Variants in ADAMTSL1 observed in about 807,000 individuals in gnomAD.
ADAMTSL1 encodes ADAMTS-like protein 1.
A neutral mutation model predicts 201.8 loss-of-function variants in ADAMTSL1; 126 were observed. The observed-to-expected ratio is 0.62, with a 90% CI of 0.54 to 0.72. The LOEUF (loss-of-function observed/expected upper bound fraction) is 0.72, where lower values mean the gene tolerates loss of function less well. ADAMTSL1 is among the 30% of genes least tolerant of loss of function. The probability of loss-of-function intolerance (pLI) is 0.00; values close to 1 mark genes in which losing one functional copy is unlikely to be tolerated. For missense variants in ADAMTSL1, 2,679 were observed against 2,277.8 expected, an observed-to-expected ratio of 1.18 and a Z score of -3.59; for synonymous variants, 1,121 against 903.4, an observed-to-expected ratio of 1.24 and a Z score of -4.32.
intron 1 of ADAMTSL1, among the ~76,000 whole-genome samples, chr9:18,054,874 C>T (rs1286625121): frequency 2.0e-5 from 3 of 152,158 alleles, no homozygotes; most frequent in Admixed American, 1.3e-4. Context: ...GTGTGAAGTT[C>T]CCCTGCCCCC....
In ADAMTSL1 at chr9:18,626,839, T is replaced by TTCTTTC. The variant is rs757449217; in HGVS notation, c.601+4471_601+4472insCTTTCT. Among the ~76,000 whole-genome samples the TTCTTTC allele has an allele frequency of 2.8e-3, 370 of 133,360 alleles. 4 individuals are homozygous for TTCTTTC. Among genetic ancestry groups the TTCTTTC allele is most frequent in the African/African-American group, 9.8e-3 (341 of 34,728 alleles). The allele number at this position is 133,360 out of a possible 152,430, so 87.5% of individuals were successfully genotyped here. On this transcript the variant is annotated intron_variant, in intron 5 of 28. Transcript: ENST00000380548. The stretch of plus-strand genomic sequence containing the variant: ...TTTCTTTCTTTCTTTCTTACTTTCT[T>TTCTTTC]TTTCTTTCTTTCTTTCTTTCTTTCT...
In ADAMTSL1 at chr9:18,074,511, C is replaced by CTTTTCTTTTCTTTTCTTTTCTTTTCTT. The variant is rs368569922; in HGVS notation, c.88-89349_88-89348insTTCTTTTCTTTTCTTTTCTTTTCTTTT. On this transcript the variant is annotated intron_variant, in intron 1 of 29. Coordinates refer to the ADAMTSL1 transcript ENST00000680146. ...CTTTTCTTTTCTTTTCTTTTCTTTTCTTCTTTTCTTTTCTTTTCTTTTCTT... is the reference window on the plus strand; with the variant it reads ...CTTTTCTTTTCTTTTCTTTTCTTTTCTTTTCTTTTCTTTTCTTTTCTTTTCTTTTCTTTTCTTTTCTTTTCTTTTCTT... 8.1e-4 allele frequency among the ~76,000 whole-genome samples: 76 copies of CTTTTCTTTTCTTTTCTTTTCTTTTCTT among 93,590 alleles called. 3 individuals are homozygous for CTTTTCTTTTCTTTTCTTTTCTTTTCTT. Among genetic ancestry groups the CTTTTCTTTTCTTTTCTTTTCTTTTCTT allele is most frequent in the Non-Finnish European group, 1.0e-3 (53 of 52,566 alleles). 61.4% of individuals were successfully genotyped at this position (93,590 alleles called of 152,430 possible).
At chr9:18,038,082 G>A (rs62553126) in intron 1 of ADAMTSL1, among the ~76,000 whole-genome samples, 1 of 152,196 alleles carries the variant, frequency 6.6e-6, no homozygotes, top group African/African-American at 2.4e-5. Context: ...ACAAGATGCA[G>A]TATCCATGGA....
chr9:18,897,133 T>A (rs1293113715), intron 26 of ADAMTSL1, among the ~76,000 whole-genome samples: 1 of 152,176 alleles, frequency 6.6e-6, no homozygotes, highest in African/African-American at 2.4e-5. Flanking sequence ...GCCAGAATGA[T>A]TGTTTAAGTG....
At chr9:18,421,114 G>A (rs536020217) in intron 2 of ADAMTSL1, among the ~76,000 whole-genome samples, 96 of 152,270 alleles carry the variant, frequency 6.3e-4, no homozygotes, top group African/African-American at 2.3e-3. Flanking sequence ...GGTAAGAGAG[G>A]TCCCACATCA....
At chr9:18,702,392 T>C (rs1831975584) in intron 13 of ADAMTSL1, among the ~76,000 whole-genome samples, 1 of 152,344 alleles carries the variant, frequency 6.6e-6, no homozygotes. Flanking sequence ...AAAGTGATTA[T>C]TTTTATTATT....
intron 2 of ADAMTSL1, among the ~76,000 whole-genome samples, chr9:18,515,500 A>G (rs560585144): frequency 5.9e-5 from 9 of 152,078 alleles, no homozygotes; most frequent in Admixed American, 3.3e-4. Context: ...ATGCCTGGCT[A>G]ATTTTTGTAT....
At chr9:18,776,729 T>G in intron 18 of ADAMTSL1, 52 bp from the exon 19 acceptor site, 1 of 1,485,204 alleles carries the variant, frequency 6.7e-7, no homozygotes, top group Non-Finnish European at 8.9e-7. Flanking sequence ...CACTCTGGGT[T>G]TTCTCTCTCC....
intron 17 of ADAMTSL1, among the ~76,000 whole-genome samples, chr9:18,775,303 T>C (rs1168846713): frequency 6.6e-6 from 1 of 152,236 alleles, no homozygotes; most frequent in East Asian, 1.9e-4. Flanking sequence ...TGTCACTTAC[T>C]TGTGAAGGAA....
intron 1 of ADAMTSL1, among the ~76,000 whole-genome samples, chr9:18,084,249 C>A (rs192974941): frequency 6.6e-6 from 1 of 152,046 alleles, no homozygotes; most frequent in Non-Finnish European, 1.5e-5. Context: ...AGGCTGGGCG[C>A]GGTGGCTCAT....
At chr9:18,671,313 C>G (rs1415309421) in intron 9 of ADAMTSL1, among the ~76,000 whole-genome samples, 3 of 152,194 alleles carry the variant, frequency 2.0e-5, no homozygotes, top group Non-Finnish European at 4.4e-5. Context: ...AAAAATTTCA[C>G]TGGGCATTAT....
chr9:18,012,960 GGCCTC>G (rs1452229752), intron 1 of ADAMTSL1, among the ~76,000 whole-genome samples: 3 of 151,370 alleles, frequency 2.0e-5, no homozygotes, highest in Non-Finnish European at 4.4e-5. Context: ...CTTTATTTTG[GGCCTC>G]CTTCTTACCC....
At chr9:18,077,516 G>GA (rs1281168321) in intron 1 of ADAMTSL1, among the ~76,000 whole-genome samples, 10 of 152,160 alleles carry the variant, frequency 6.6e-5, no homozygotes, top group Non-Finnish European at 1.3e-4. Context: ...TGCATATCAT[G>GA]ATTGATAAAA....
intron 2 of ADAMTSL1, among the ~76,000 whole-genome samples, chr9:18,255,734 G>A (rs1365642751): frequency 6.6e-6 from 1 of 152,054 alleles, no homozygotes; most frequent in Non-Finnish European, 1.5e-5. Flanking sequence ...TATTTATTTG[G>A]ATGCAATTCA....
chr9:18,329,201 A>G (rs575590386), intron 2 of ADAMTSL1, among the ~76,000 whole-genome samples: 6 of 152,208 alleles, frequency 3.9e-5, no homozygotes, highest in African/African-American at 1.4e-4. Context: ...ATGGCCATCT[A>G]TGAAGCAGGA....
chr9:18,675,508 A>T (rs553446007), intron 9 of ADAMTSL1, among the ~76,000 whole-genome samples: 1 of 152,290 alleles, frequency 6.6e-6, no homozygotes, highest in East Asian at 1.9e-4. Flanking sequence ...GATGATAATA[A>T]TAATGACCTC....
intron 1 of ADAMTSL1, among the ~76,000 whole-genome samples, chr9:18,138,044 G>A (rs4961625): frequency 0.26 from 40,158 of 151,966 alleles, 5,496 homozygotes; most frequent in Admixed American, 0.37. Flanking sequence ...TTGAAATACT[G>A]TAGAGCAGGG....
intron 23 of ADAMTSL1, among the ~76,000 whole-genome samples, chr9:18,865,727 A>C (rs1484479498): frequency 6.6e-6 from 1 of 152,144 alleles, no homozygotes; most frequent in Non-Finnish European, 1.5e-5. Context: ...ATTTTCTTTC[A>C]GTGGTTAAGA....
At chr9:18,283,928 A>G (rs1303958773) in intron 2 of ADAMTSL1, among the ~76,000 whole-genome samples, 1 of 105,486 alleles carries the variant, frequency 9.5e-6, no homozygotes, top group Non-Finnish European at 1.9e-5. Context: ...AAAAAAAAAA[A>G]AAGAAGAAGA....
Sources: allele counts gnomAD v4.1 joint callset (sites outside exome capture counted in the v4.1 genomes callset), GRCh38; gene constraint gnomAD v4.1.1; transcripts MANE v1.5; gene names NCBI Gene and HGNC (gene_info 2026-07-23, HGNC 2026-07-21).